Variants in RPS6KC1 observed in about 807,000 individuals in gnomAD.
RPS6KC1 encodes ribosomal protein S6 kinase C1, also known as inactive ribosomal protein S6 kinase delta-1.
A neutral mutation model predicts 103.8 loss-of-function variants in RPS6KC1; 54 were observed. The ratio of observed to expected loss-of-function variants is 0.52; its 90% confidence interval spans 0.42 to 0.65. RPS6KC1 has a LOEUF of 0.65. RPS6KC1 is among the 30% of genes least tolerant of loss of function. The probability of loss-of-function intolerance (pLI) is 0.00; values close to 1 mark genes in which losing one functional copy is unlikely to be tolerated. For synonymous variants in RPS6KC1, 439 were observed against 438.7 expected, an observed-to-expected ratio of 1.00 and a Z score of -0.01; for missense variants, 1,151 against 1,253.8, an observed-to-expected ratio of 0.92 and a Z score of 1.24.
chr1:213,287,668 G>C, the RPS6KC1 span, among the ~76,000 whole-genome samples: 1 of 152,078 alleles, frequency 6.6e-6, no homozygotes, highest in Non-Finnish European at 1.5e-5. Flanking sequence ...TACACAAAGC[G>C]CTCTTCTAGC....
At chr1:213,769,408 A>G in the RPS6KC1 span, among the ~76,000 whole-genome samples, 1 of 152,080 alleles carries the variant, frequency 6.6e-6, no homozygotes, top group African/African-American at 2.4e-5. Flanking sequence ...GGCTGCTCTG[A>G]TGGTCCTTTT....
chr1:213,340,860 GTGAT>G, the RPS6KC1 span, among the ~76,000 whole-genome samples: 1 of 152,250 alleles, frequency 6.6e-6, no homozygotes, highest in Non-Finnish European at 1.5e-5. Flanking sequence ...CTCCACCTGT[GTGAT>G]TGGGGGCAGG....
At chr1:213,674,136 A>G in the RPS6KC1 span, among the ~76,000 whole-genome samples, 2 of 152,218 alleles carry the variant, frequency 1.3e-5, no homozygotes, top group Admixed American at 6.5e-5. Flanking sequence ...CTCTTACCTC[A>G]GTCTCCCGAG....
At chr1:213,245,151 G>A (rs1432569556) in intron 12 of RPS6KC1, among the ~76,000 whole-genome samples, 1 of 152,140 alleles carries the variant, frequency 6.6e-6, no homozygotes, top group Non-Finnish European at 1.5e-5. Context: ...GCAAAAATTT[G>A]TGAATTACTG....
At chr1:213,625,173 A>G in the RPS6KC1 span, among the ~76,000 whole-genome samples, 4 of 152,096 alleles carry the variant, frequency 2.6e-5, no homozygotes, top group Non-Finnish European at 4.4e-5. Context: ...TTATTTTTAA[A>G]ACACAAGTAA....
At chr1:213,419,740 G>A in the RPS6KC1 span, among the ~76,000 whole-genome samples, 1 of 152,176 alleles carries the variant, frequency 6.6e-6, no homozygotes, top group Non-Finnish European at 1.5e-5. Flanking sequence ...ATTTTTCTAG[G>A]CTGGCTGGCT....
the RPS6KC1 span, among the ~76,000 whole-genome samples, chr1:213,365,676 A>T: frequency 4.3e-4 from 66 of 152,326 alleles, no homozygotes; most frequent in African/African-American, 1.4e-3. Flanking sequence ...CCAGTCCAAC[A>T]GGCTTTTTCT....
At chr1:213,835,058 C>A in the RPS6KC1 span, among the ~76,000 whole-genome samples, 22 of 152,124 alleles carry the variant, frequency 1.4e-4, no homozygotes, top group Non-Finnish European at 3.1e-4. Context: ...ATGAAGAGTG[C>A]CATTTATATT....
intron 8 of RPS6KC1, among the ~76,000 whole-genome samples, chr1:213,225,651 A>G (rs2093943334): frequency 6.6e-6 from 1 of 152,086 alleles, no homozygotes; most frequent in Admixed American, 6.6e-5. Flanking sequence ...GGTCTCCCAA[A>G]ATGCTGGGAT....
At chr1:213,086,791 A>G (rs2080438191) in intron 3 of RPS6KC1, among the ~76,000 whole-genome samples, 1 of 152,242 alleles carries the variant, frequency 6.6e-6, no homozygotes, top group Non-Finnish European at 1.5e-5. Context: ...ACACATTTAT[A>G]CATACCTCTA....
chr1:213,754,006 G>C, the RPS6KC1 span, among the ~76,000 whole-genome samples: 1 of 152,128 alleles, frequency 6.6e-6, no homozygotes, highest in Non-Finnish European at 1.5e-5. Flanking sequence ...GAGGAGATGG[G>C]AGTACATGGC....
At chr1:213,081,433 G>A (rs2148567894) in intron 3 of RPS6KC1, among the ~76,000 whole-genome samples, 1 of 152,176 alleles carries the variant, frequency 6.6e-6, no homozygotes, top group Non-Finnish European at 1.5e-5. Context: ...CCACTCATGA[G>A]ACATCCATTC....
At chr1:213,179,637 C>T (rs1281813533) in intron 8 of RPS6KC1, among the ~76,000 whole-genome samples, 1 of 152,040 alleles carries the variant, frequency 6.6e-6, no homozygotes, top group Non-Finnish European at 1.5e-5. Flanking sequence ...TGTTTCATTA[C>T]AGTATTTGGT....
chr1:213,512,332 G>C, the RPS6KC1 span, among the ~76,000 whole-genome samples: 1 of 152,204 alleles, frequency 6.6e-6, no homozygotes, highest in African/African-American at 2.4e-5. Context: ...TCGGTAACTT[G>C]TACGATTGCC....
At chr1:213,195,305 A>G (rs1481119584) in intron 8 of RPS6KC1, among the ~76,000 whole-genome samples, 1 of 152,196 alleles carries the variant, frequency 6.6e-6, no homozygotes, top group Admixed American at 6.5e-5. Context: ...TCTGCCTATA[A>G]TAGTATACTG....
the RPS6KC1 span, among the ~76,000 whole-genome samples, chr1:213,339,099 A>AATTTTT: frequency 1.3e-5 from 2 of 152,056 alleles, no homozygotes; most frequent in Admixed American, 6.6e-5. Context: ...CTCCATCTGA[A>AATTTTT]CTAAAAATAC....
chr1:213,115,083 G>A (rs1484441689), intron 4 of RPS6KC1, among the ~76,000 whole-genome samples: 1 of 152,124 alleles, frequency 6.6e-6, no homozygotes, highest in African/African-American at 2.4e-5. Flanking sequence ...GAGTTAGGGA[G>A]GATTCCCTCT....
At chr1:213,164,049 T>C (rs1330046916) in intron 6 of RPS6KC1, among the ~76,000 whole-genome samples, 2 of 152,218 alleles carry the variant, frequency 1.3e-5, no homozygotes, top group Non-Finnish European at 2.9e-5. Context: ...CTTAGGATAG[T>C]GGCAAGTACC....
intron 12 of RPS6KC1, among the ~76,000 whole-genome samples, chr1:213,256,732 A>G (rs2094653586): frequency 6.6e-6 from 1 of 152,170 alleles, no homozygotes; most frequent in Admixed American, 6.5e-5. Flanking sequence ...CATTTGGAGC[A>G]GTACATTGGT....
Sources: gnomAD v4.1 joint callset for allele counts (sites outside exome capture counted in the v4.1 genomes callset) on GRCh38, gnomAD v4.1.1 for gene constraint, MANE v1.5 for transcripts, NCBI Gene and HGNC (gene_info 2026-07-23, HGNC 2026-07-21) for gene names.